Variants in ISM1 observed in about 807,000 individuals in gnomAD.
The protein encoded by ISM1 is isthmin 1, also known as isthmin-1.
A neutral mutation model predicts 46.3 loss-of-function variants in ISM1; 25 were observed. The observed-to-expected ratio is 0.54, with a 90% CI of 0.39 to 0.75. The LOEUF is 0.75. ISM1 is among the 30% of genes least tolerant of loss of function. The pLI, the probability that ISM1 is intolerant of heterozygous loss-of-function variation, is 0.00. For missense variants in ISM1, 536 were observed against 625.4 expected, an observed-to-expected ratio of 0.86 and a Z score of 1.52; for synonymous variants, 255 against 256.7, an observed-to-expected ratio of 0.99 and a Z score of 0.06.
chr20:13,260,860 G>C (rs1389549691), intron 1 of ISM1, among the ~76,000 whole-genome samples: 1 of 152,128 alleles, frequency 6.6e-6, no homozygotes, highest in Non-Finnish European at 1.5e-5. Flanking sequence ...GGGTCAGCAG[G>C]GTGGCTCTCA....
intron 1 of ISM1, among the ~76,000 whole-genome samples, chr20:13,242,165 AG>A (rs1156582328): frequency 6.6e-6 from 1 of 152,164 alleles, no homozygotes; most frequent in Non-Finnish European, 1.5e-5. Context: ...GTAGAGGGAA[AG>A]GGTATGGGAG....
At chr20:13,273,801 A>C (rs1351898014) in intron 2 of ISM1, among the ~76,000 whole-genome samples, 3 of 152,212 alleles carry the variant, frequency 2.0e-5, no homozygotes, top group African/African-American at 7.2e-5. Flanking sequence ...CCTACTGCCC[A>C]GTCAAGTTAT....
At chr20:13,260,171 C>T (rs758405105) in intron 1 of ISM1, among the ~76,000 whole-genome samples, 23 of 152,150 alleles carry the variant, frequency 1.5e-4, no homozygotes, top group Non-Finnish European at 2.8e-4. Flanking sequence ...GAACAGGTGC[C>T]GGTGGCAGGA....
chr20:13,288,582 G>T lies in ISM1; in HGVS notation c.686G>T (p.Cys229Phe). 6.2e-7 allele frequency: 1 copy of T among 1,613,980 alleles called. No individual in the cohort carries two copies. Among genetic ancestry groups the T allele is most frequent in the Non-Finnish European group, 8.5e-7 (1 of 1,179,874 alleles). ...GGTGACTGGAGTCTCTGGTCTGTCTGCAGCGTCACCTGCGGGAACGGCAAC... is the reference window on the plus strand; with the variant it reads ...GGTGACTGGAGTCTCTGGTCTGTCTTCAGCGTCACCTGCGGGAACGGCAAC... The part of the protein sequence containing the change: ...GEGDWSLWSV[C>F]SVTCGNGNQK... Residue 229 changes from cysteine (C) to phenylalanine (F), a missense_variant, in exon 4 of 6, where the codon TGC (cysteine) becomes TTC (phenylalanine). Physicochemically the swap from Cys to Phe is radical, Grantham distance 205 (BLOSUM62 -2). Around this residue, in one of 2 missense-constraint regions of ISM1, gnomAD observed 367 missense variants for 376.1 expected, o/e 0.98. Coordinates refer to ENST00000262487, the MANE Select transcript of ISM1 (RefSeq NM_080826.2).
At chr20:13,269,770 T>G (rs2040089382) in intron 1 of ISM1, among the ~76,000 whole-genome samples, 1 of 152,226 alleles carries the variant, frequency 6.6e-6, no homozygotes, top group South Asian at 2.1e-4. Context: ...GTCACCGTTC[T>G]TTGATCTGAT....
At chr20:13,291,314 G>A (rs187344960) in intron 4 of ISM1, among the ~76,000 whole-genome samples, 72 of 152,254 alleles carry the variant, frequency 4.7e-4, no homozygotes, top group African/African-American at 1.6e-3. Context: ...TCGTTTTTAA[G>A]GATCTCTTTA....
At chr20:13,238,473 A>G (rs2036962223) in intron 1 of ISM1, among the ~76,000 whole-genome samples, 1 of 152,058 alleles carries the variant, frequency 6.6e-6, no homozygotes. Context: ...GCCAAATTAA[A>G]CTCCTGGATC....
chr20:13,251,131 C>T (rs1428502250), intron 1 of ISM1, among the ~76,000 whole-genome samples: 1 of 152,050 alleles, frequency 6.6e-6, no homozygotes, highest in Admixed American at 6.5e-5. Flanking sequence ...GAGATCAATC[C>T]AGTCATTTTT....
Position 13,253,992 on chromosome 20 carries a change from C to T in ISM1, c.139-16512C>T, listed in dbSNP as rs184736565. 6.2e-3 allele frequency among the ~76,000 whole-genome samples: 912 copies of T among 147,844 alleles called. 3 individuals carry two copies. Among genetic ancestry groups the T allele is most frequent in the South Asian group, 0.011 (53 of 4,658 alleles). On this transcript the variant is annotated intron_variant, in intron 1 of 5. Coordinates refer to ENST00000262487, the MANE Select transcript of ISM1 (RefSeq NM_080826.2). ...CAGCACCTTGGGAGGCCGAGGTGAG[C>T]GGATCACTTGAGGTCAGGAGTTCAA...
chr20:13,321,253 T>TAAAAAAAAAAAAAA, the ISM1 span, among the ~76,000 whole-genome samples: 18 of 57,514 alleles, frequency 3.1e-4, no homozygotes, highest in East Asian at 3.0e-3. Flanking sequence ...GTGCCCCACA[T>TAAAAAAAAAAAAAA]AAAAAAAAAA....
At chr20:13,261,025 T>C (rs559084009) in intron 1 of ISM1, among the ~76,000 whole-genome samples, 88 of 152,228 alleles carry the variant, frequency 5.8e-4, no homozygotes, top group African/African-American at 1.9e-3. Context: ...CACCGAGTGT[T>C]CTCAGCATTC....
chr20:13,319,212 T>C, the ISM1 span, among the ~76,000 whole-genome samples: 1 of 152,024 alleles, frequency 6.6e-6, no homozygotes, highest in Non-Finnish European at 1.5e-5. Flanking sequence ...TAAGTGACTA[T>C]TAGGTAGAAG....
At chr20:13,306,032 G>A in the ISM1 span, among the ~76,000 whole-genome samples, 1 of 152,056 alleles carries the variant, frequency 6.6e-6, no homozygotes, top group African/African-American at 2.4e-5. Context: ...ATCTGTTCTG[G>A]GAGTAATAAA....
intron 1 of ISM1, among the ~76,000 whole-genome samples, chr20:13,249,793 T>C (rs912350166): frequency 1.3e-5 from 1 of 75,034 alleles, no homozygotes; most frequent in East Asian, 3.6e-4. Context: ...TTGTTTTGTT[T>C]TGTTTTGTTT....
At chr20:13,260,584 C>T (rs1047975129) in intron 1 of ISM1, among the ~76,000 whole-genome samples, 1 of 150,924 alleles carries the variant, frequency 6.6e-6, no homozygotes, top group African/African-American at 2.4e-5. Context: ...ATGTTTTCAG[C>T]ATTTGGAATA....
intron 1 of ISM1, among the ~76,000 whole-genome samples, chr20:13,222,312 A>G (rs6131453): frequency 0.11 from 17,365 of 151,952 alleles, 1,412 homozygotes; most frequent in East Asian, 0.29. Context: ...ACGCAAGGAG[A>G]CTTTATAGGA....
chr20:13,310,958 C>T, the ISM1 span, among the ~76,000 whole-genome samples: 1 of 152,200 alleles, frequency 6.6e-6, no homozygotes, highest in Non-Finnish European at 1.5e-5. Context: ...CTTTGGGAGG[C>T]TGAGGCGAGT....
At chr20:13,259,662 CAGTT>C (rs1234931183) in intron 1 of ISM1, among the ~76,000 whole-genome samples, 2 of 152,176 alleles carry the variant, frequency 1.3e-5, no homozygotes, top group Admixed American at 6.5e-5. Context: ...AGCCATAAAA[CAGTT>C]AGCACTGAGT....
At chr20:13,326,376 C>A in the ISM1 span, among the ~76,000 whole-genome samples, 1 of 151,826 alleles carries the variant, frequency 6.6e-6, no homozygotes, top group East Asian at 1.9e-4. Context: ...TGTATATATT[C>A]GATTTAAGTA....
Sources: allele counts gnomAD v4.1 joint callset (sites outside exome capture counted in the v4.1 genomes callset), GRCh38; gene constraint gnomAD v4.1.1; regional missense constraint gnomAD v4.1.1; transcripts MANE v1.5; gene names NCBI Gene and HGNC (gene_info 2026-07-23, HGNC 2026-07-21).